YES1: variants seen among roughly 807,000 people sequenced by gnomAD.
YES1 encodes the protein YES proto-oncogene 1, Src family tyrosine kinase.
YES1 carries 39 observed loss-of-function variants against 70.4 expected under a neutral mutation model. That is an observed-to-expected ratio of 0.55 (90% CI 0.43 to 0.72). The LOEUF (loss-of-function observed/expected upper bound fraction) is 0.72. YES1 is among the 30% of genes least tolerant of loss of function. The pLI is 0.00. For missense variants in YES1, 495 were observed against 644.8 expected (o/e 0.77, Z 2.52); for synonymous variants, 198 against 218.6 (o/e 0.91, Z 0.83).
chr18:791,251 G>GAAAA (rs1165254118), intron 1 of YES1, among the ~76,000 whole-genome samples: 1 of 82,328 alleles, frequency 1.2e-5, no homozygotes, highest in Non-Finnish European at 2.6e-5. Context: ...ACTTGAAGAA[G>GAAAA]AAAAAAAAAA....
Position 791,959 on chromosome 18 carries a change from T to C in YES1, c.-9+20155A>G, listed in dbSNP as rs138477921. ...GAGCCCAGCTACTCGAAATCGGGTG[T>C]GTATTTTACACTTACAGTACATCTC... On this transcript the variant is annotated intron_variant, in intron 1 of 11. Coordinates refer to ENST00000314574, the MANE Select transcript of YES1 (RefSeq NM_005433.4). Among the ~76,000 whole-genome samples the C allele has an allele frequency of 1.2e-4, 19 of 152,186 alleles. No individual in the cohort carries two copies. The East Asian group carries it at 3.7e-3, about 29-fold the overall frequency.
chr18:773,657 A>G (rs1193999653), intron 1 of YES1, among the ~76,000 whole-genome samples: 3 of 151,912 alleles, frequency 2.0e-5, no homozygotes, highest in African/African-American at 7.2e-5. Context: ...TGTCCATTGT[A>G]TAATAACTTT....
chr18:770,409 C>T (rs1286325793), intron 1 of YES1, among the ~76,000 whole-genome samples: 2 of 151,882 alleles, frequency 1.3e-5, no homozygotes, highest in African/African-American at 2.4e-5. Flanking sequence ...TCTGTCAGTT[C>T]ACATCAATCT....
chr18:764,765 T>G (rs1007566530), intron 1 of YES1, among the ~76,000 whole-genome samples: 1 of 151,946 alleles, frequency 6.6e-6, no homozygotes, highest in Non-Finnish European at 1.5e-5. Flanking sequence ...CGGAGTCTCG[T>G]TCTGTCACCC....
Position 745,973 on chromosome 18 carries a change from T to C in YES1, c.549A>G (p.Leu183=). The C allele has an allele frequency of 6.2e-7, 1 of 1,613,072 alleles. No homozygotes were observed. The highest frequency in any genetic ancestry group is 8.5e-7 in the Non-Finnish European group (1 of 1,179,488). ...CTTTAGTTGTTTCACTCTCTCTTAC[T>C]AAGAAAATACCTCGTTGATTTCCAG... is the stretch of plus-strand genomic sequence containing the variant. ...LNPGNQRGIF[L]VRESETTKGA... Residue 183 remains leucine, a synonymous_variant, in exon 5 of 12, where the codon TTA becomes TTG. Coordinates refer to ENST00000314574, the MANE Select transcript of YES1 (RefSeq NM_005433.4).
Position 722,536 on chromosome 18 carries a change from A to G in YES1, c.*1888T>C, listed in dbSNP as rs1213381113. ...TGACTATATGAGAGTATTTTAAAACATATACACCAGACCTTCATTTTATTC... is the reference window on the plus strand; with the variant it reads ...TGACTATATGAGAGTATTTTAAAACGTATACACCAGACCTTCATTTTATTC... On this transcript the variant is annotated 3_prime_UTR_variant, in exon 12 of 12. Transcript: ENST00000314574. 2.0e-5 allele frequency: 3 copies of G among 152,582 alleles called. No individual in the cohort carries two copies. Among genetic ancestry groups the G allele is most frequent in the African/African-American group, 7.2e-5 (3 of 41,458 alleles). The allele number at this position is 152,582 out of a possible 1,614,324, so 9.5% of individuals were successfully genotyped here.
At chr18:799,607 C>A (rs2145831601) in intron 1 of YES1, among the ~76,000 whole-genome samples, 1 of 152,254 alleles carries the variant, frequency 6.6e-6, no homozygotes, top group East Asian at 1.9e-4. Context: ...ACTCAGGAGG[C>A]TGAGGCAGGA....
intron 1 of YES1, among the ~76,000 whole-genome samples, chr18:801,727 G>C (rs1906832662): frequency 6.6e-6 from 1 of 152,156 alleles, no homozygotes; most frequent in Non-Finnish European, 1.5e-5. Context: ...TACAGAGAGA[G>C]AGAGAATATA....
At chr18:734,835 GC>G (rs1405544439) in intron 10 of YES1, among the ~76,000 whole-genome samples, 11 of 152,088 alleles carry the variant, frequency 7.2e-5, no homozygotes, top group Non-Finnish European at 1.6e-4. Context: ...ATTCAATCCA[GC>G]AAACCCACTA....
Position 742,905 on chromosome 18 carries a change from T to C in YES1, c.1060+13A>G. ...TTATCAACACAAATACCTAAGGAGA[T>C]ACTAATACATACCTTTTGACATAAA... On this transcript the variant is annotated intron_variant, in intron 8 of 11. Transcript: ENST00000314574. 4 of 1,568,386 alleles carry C rather than the reference T, an allele frequency of 2.6e-6. No homozygotes were observed. The highest frequency in any genetic ancestry group is 1.7e-6 in the Non-Finnish European group (2 of 1,161,658).
intron 1 of YES1, among the ~76,000 whole-genome samples, chr18:794,848 A>G (rs1325247518): frequency 6.6e-6 from 1 of 151,950 alleles, no homozygotes; most frequent in East Asian, 1.9e-4. Flanking sequence ...ACGGAGTCTC[A>G]CTCTGTCGCC....
intron 11 of YES1, among the ~76,000 whole-genome samples, chr18:732,441 A>G (rs2145677524): frequency 7.0e-6 from 1 of 142,834 alleles, no homozygotes; most frequent in Admixed American, 7.2e-5. Flanking sequence ...TGTTTAAAAA[A>G]AAAAAAAAAA....
rs573717648 is a variant in YES1 at position 785,048 on chromosome 18, C to A, written c.-9+27066G>T. Among the ~76,000 whole-genome samples, 20 of 152,198 alleles carry A rather than the reference C, an allele frequency of 1.3e-4. 1 individual carries two copies. Among genetic ancestry groups the A allele is most frequent in the South Asian group, 1.0e-3 (5 of 4,824 alleles). The stretch of plus-strand genomic sequence containing the variant: ...AGAGTCAGTATGCTTCCATACTAAG[C>A]AACATAACTGTTAAATTAGGAGGAT... On this transcript the variant is annotated intron_variant, in intron 1 of 11. Coordinates refer to ENST00000314574, the MANE Select transcript of YES1 (RefSeq NM_005433.4).
In YES1 at chr18:756,709, G is replaced by A. The variant is rs2080411845; in HGVS notation, c.119C>T (p.Ser40Leu). 2 of 1,614,064 alleles carry A rather than the reference G, an allele frequency of 1.2e-6. No individual in the cohort carries two copies. The highest frequency in any genetic ancestry group is 2.7e-5 in the African/African-American group (2 of 74,922). The change falls in exon 2 of 12, where the codon TCA (serine) becomes TTA (leucine). Residue 40 changes from serine (S) to leucine (L), a missense_variant. By Grantham distance (145) the Ser-to-Leu change is moderately radical (BLOSUM62 -2). Around this residue, in one of 2 missense-constraint regions of YES1, gnomAD observed 110 missense variants for 104.0 expected, o/e 1.06. Transcript: ENST00000314574. ...CTTTGCTGAAGATGACGGACATGGT[G>A]ACACTGTAGTGGGTTCTGCTCCATA... is the stretch of plus-strand genomic sequence containing the variant. The part of the protein sequence containing the change: ...SHYGAEPTTV[S>L]PCPSSSAKGT...
At position 779,948 on chromosome 18, in the gene YES1, A is replaced by G. The variant is rs142345780; in HGVS notation, c.-8-23113T>C. Among the ~76,000 whole-genome samples, 225 of 151,862 alleles carry G rather than the reference A, an allele frequency of 1.5e-3. 1 individual carries two copies. Among genetic ancestry groups the G allele is most frequent in the African/African-American group, 5.1e-3 (210 of 41,364 alleles). On this transcript the variant is annotated intron_variant, in intron 1 of 11. Transcript: ENST00000314574. ...TCTTAAATCTCTTTAAGAGAGACTA[A>G]AGAGGCTGGGTGCAGTGGCTCACGC... is the stretch of plus-strand genomic sequence containing the variant.
At chr18:753,063 CTA>C (rs2080362463) in intron 2 of YES1, among the ~76,000 whole-genome samples, 1 of 152,274 alleles carries the variant, frequency 6.6e-6, no homozygotes, top group African/African-American at 2.4e-5. Flanking sequence ...AACAGCCAAA[CTA>C]TTATTTGCAA....
intron 8 of YES1, among the ~76,000 whole-genome samples, chr18:741,302 G>A (rs1413389869): frequency 1.3e-5 from 2 of 150,788 alleles, no homozygotes; most frequent in Non-Finnish European, 2.9e-5. Context: ...GGAGTGCAGT[G>A]GCACAATCAC....
chr18:743,046 G>A lies in YES1; in HGVS notation c.932C>T (p.Thr311Ile). The A allele has an allele frequency of 6.2e-7, 1 of 1,610,096 alleles. No individual in the cohort carries two copies. The highest frequency in any genetic ancestry group is 8.5e-7 in the Non-Finnish European group (1 of 1,179,164). Residue 311 changes from threonine (T) to isoleucine (I), a missense_variant, in exon 8 of 12, where the codon ACA (threonine) becomes ATA (isoleucine). This residue lies in a region of YES1 where 385 missense variants were observed against 540.9 expected (regional missense o/e 0.71). Coordinates refer to ENST00000314574, the MANE Select transcript of YES1 (RefSeq NM_005433.4). ...KVAIKTLKPG[T>I]MMPEAFLQEA... ...TTGAAGGAAAGCTTCTGGCATCATT[G>A]TACCTGGTTTTAGTGTTTTGATTGC... is the stretch of plus-strand genomic sequence containing the variant.
Position 810,871 on chromosome 18 carries a change from A to C in YES1, c.-9+1243T>G, listed in dbSNP as rs1403078964. 2.0e-5 allele frequency among the ~76,000 whole-genome samples: 3 copies of C among 152,238 alleles called. No homozygotes were observed. In the South Asian group the frequency reaches 6.2e-4, roughly 32 times the overall value. ...TATGAACATCGTAAGTGATGCATAC[A>C]AGATCCTTGGCTAATACAAGATACT... On this transcript the variant is annotated intron_variant, in intron 1 of 11. Coordinates refer to ENST00000314574, the MANE Select transcript of YES1 (RefSeq NM_005433.4).
Sources: allele counts gnomAD v4.1 joint callset (sites outside exome capture counted in the v4.1 genomes callset), GRCh38; gene constraint gnomAD v4.1.1; regional missense constraint gnomAD v4.1.1; transcripts MANE v1.5; gene names NCBI Gene and HGNC (gene_info 2026-07-23, HGNC 2026-07-21).